Variants in CTNNA3 observed in about 807,000 individuals in gnomAD.
The protein encoded by CTNNA3 is catenin alpha 3, also known as catenin alpha-3.
A neutral mutation model predicts 95.7 loss-of-function variants in CTNNA3; 76 were observed. The observed-to-expected ratio is 0.79, with a 90% CI of 0.66 to 0.96. The LOEUF (loss-of-function observed/expected upper bound fraction) is 0.96, where lower values mean the gene tolerates loss of function less well. Among genes scored for constraint, CTNNA3 ranks in the 40% least tolerant of loss-of-function variants. The probability of loss-of-function intolerance (pLI) is 0.00; values close to 1 mark genes in which losing one functional copy is unlikely to be tolerated. For synonymous variants in CTNNA3, 431 were observed against 374.4 expected (o/e 1.15, Z -1.74); for missense variants, 1,191 against 1,089.8 (o/e 1.09, Z -1.31).
At chr10:66,845,731 T>TAAAAAAAAAAAA (rs1304034179) in intron 7 of CTNNA3, among the ~76,000 whole-genome samples, 11 of 35,904 alleles carry the variant, frequency 3.1e-4, no homozygotes, top group Non-Finnish European at 5.1e-4. Flanking sequence ...AAAAAAAAAC[T>TAAAAAAAAAAAA]AAAAAGGTGA....
intron 13 of CTNNA3, among the ~76,000 whole-genome samples, chr10:66,226,462 GTA>G (rs2089292651): frequency 6.6e-6 from 1 of 151,962 alleles, no homozygotes; most frequent in South Asian, 2.1e-4. Context: ...TAGATTTGTA[GTA>G]TATTTTGGAG....
intron 7 of CTNNA3, among the ~76,000 whole-genome samples, chr10:66,797,730 C>G (rs1459970988): frequency 6.6e-6 from 1 of 151,828 alleles, no homozygotes; most frequent in Non-Finnish European, 1.5e-5. Context: ...TTGTCCTTGC[C>G]CTAGACCTCA....
intron 7 of CTNNA3, among the ~76,000 whole-genome samples, chr10:66,958,185 A>G (rs1348581695): frequency 6.6e-6 from 1 of 152,064 alleles, no homozygotes; most frequent in East Asian, 1.9e-4. Flanking sequence ...TGAATAAAAG[A>G]GAAAGGAAGA....
chr10:66,341,380 G>T (rs1350364777), intron 12 of CTNNA3, among the ~76,000 whole-genome samples: 1 of 151,830 alleles, frequency 6.6e-6, no homozygotes, highest in Non-Finnish European at 1.5e-5. Context: ...CCATATGTTT[G>T]GGTGTCAGAG....
At chr10:66,273,828 G>C (rs1478200911) in intron 13 of CTNNA3, among the ~76,000 whole-genome samples, 1 of 151,908 alleles carries the variant, frequency 6.6e-6, no homozygotes, top group Non-Finnish European at 1.5e-5. Context: ...GTACCTGGAT[G>C]AATGGCAAGC....
intron 5 of CTNNA3, among the ~76,000 whole-genome samples, chr10:67,220,708 A>G (rs1231992538): frequency 6.6e-6 from 1 of 152,208 alleles, no homozygotes; most frequent in Non-Finnish European, 1.5e-5. Flanking sequence ...CAGAGAGAAG[A>G]GAGGAAAGAG....
chr10:66,371,019 C>A (rs1366503523), intron 12 of CTNNA3, among the ~76,000 whole-genome samples: 2 of 152,074 alleles, frequency 1.3e-5, no homozygotes, highest in East Asian at 3.9e-4. Flanking sequence ...CACTGCCCAG[C>A]CTCAAACAGT....
At chr10:67,197,225 T>C (rs1022016550) in intron 6 of CTNNA3, among the ~76,000 whole-genome samples, 1 of 152,074 alleles carries the variant, frequency 6.6e-6, no homozygotes, top group Non-Finnish European at 1.5e-5. Context: ...ATTTCCGAGG[T>C]TTATGTCAAT....
chr10:67,180,417 T>C lies in CTNNA3; in HGVS notation c.947A>G (p.Asp316Gly), dbSNP rs1171759426. The change falls in exon 7 of 18, where the codon GAT (aspartate) becomes GGT (glycine). Residue 316 changes from aspartate (D) to glycine (G), a missense_variant. Asp to Gly is a moderately conservative substitution (Grantham distance 94). Transcript: ENST00000433211. ...GTGTAAGTCCCTCGTACATGAAGAATCCGCCAGCAGAGCAGCCCCACTGAT... is the reference window on the plus strand; with the variant it reads ...GTGTAAGTCCCTCGTACATGAAGAACCCGCCAGCAGAGCAGCCCCACTGAT... The part of the protein sequence containing the change: ...AIISGAALLA[D>G]SSCTRDLHRE... 3 of 1,613,832 alleles carry C rather than the reference T, an allele frequency of 1.9e-6. No homozygotes were observed. The highest frequency in any genetic ancestry group is 1.7e-5 in the Admixed American group (1 of 59,978).
intron 1 of CTNNA3, among the ~76,000 whole-genome samples, chr10:67,744,069 C>G (rs2131742249): frequency 6.6e-6 from 1 of 151,294 alleles, no homozygotes; most frequent in Admixed American, 6.6e-5. Context: ...TGAAAATGGC[C>G]ATACTGCCCA....
chr10:66,816,329 T>C (rs569199823), intron 7 of CTNNA3, among the ~76,000 whole-genome samples: 18 of 152,262 alleles, frequency 1.2e-4, no homozygotes, highest in Middle Eastern at 3.4e-3. Flanking sequence ...TAGACGTATA[T>C]TCTGCCTTAT....
intron 5 of CTNNA3, among the ~76,000 whole-genome samples, chr10:67,392,766 T>G (rs1844555103): frequency 6.6e-6 from 1 of 152,032 alleles, no homozygotes; most frequent in Non-Finnish European, 1.5e-5. Context: ...GGGACATGGA[T>G]GAAATTGGAA....
chr10:67,316,390 C>T (rs1841050979), intron 5 of CTNNA3, among the ~76,000 whole-genome samples: 1 of 152,040 alleles, frequency 6.6e-6, no homozygotes, highest in Non-Finnish European at 1.5e-5. Flanking sequence ...ATAACAAAAG[C>T]TATTAAATTT....
intron 14 of CTNNA3, among the ~76,000 whole-genome samples, chr10:66,089,464 T>C (rs2081128597): frequency 6.6e-6 from 1 of 151,776 alleles, no homozygotes; most frequent in Admixed American, 6.6e-5. Flanking sequence ...CTATTCCTTG[T>C]GCCTTTTTTT....
intron 7 of CTNNA3, among the ~76,000 whole-genome samples, chr10:66,904,708 G>A (rs1401334267): frequency 1.3e-5 from 2 of 152,068 alleles, no homozygotes; most frequent in African/African-American, 2.4e-5. Context: ...GTGGGCAAAG[G>A]ATATGAACAG....
intron 4 of CTNNA3, among the ~76,000 whole-genome samples, chr10:67,523,431 T>C (rs1238760714): frequency 6.6e-6 from 1 of 152,206 alleles, no homozygotes. Flanking sequence ...TCTCATTCTA[T>C]AATTGAGTAA....
rs531847365 is a variant in CTNNA3, at chr10:67,195,548, C to T, written c.844-15028G>A. Among the ~76,000 whole-genome samples, 5 of 151,868 alleles carry T rather than the reference C, an allele frequency of 3.3e-5. No homozygotes were observed. In the South Asian group the frequency reaches 6.3e-4, roughly 19 times the overall value. On this transcript the variant is annotated intron_variant, in intron 6 of 17. Transcript: ENST00000433211. Reference sequence around the variant, plus strand: ...AGGCTCCACCTCAGTGGTCTCCTTGCTAATGTTATTTTTTGCATTTAAATG... The same window carrying T: ...AGGCTCCACCTCAGTGGTCTCCTTGTTAATGTTATTTTTTGCATTTAAATG...
At chr10:67,207,038 G>C (rs1453081576) in intron 6 of CTNNA3, among the ~76,000 whole-genome samples, 1 of 152,116 alleles carries the variant, frequency 6.6e-6, no homozygotes, top group African/African-American at 2.4e-5. Flanking sequence ...GGATGAGGCA[G>C]GAGAATCACT....
At chr10:67,453,268 C>A (rs766772591) in intron 5 of CTNNA3, among the ~76,000 whole-genome samples, 2 of 152,070 alleles carry the variant, frequency 1.3e-5, no homozygotes, top group Non-Finnish European at 2.9e-5. Flanking sequence ...ACATTTTTGT[C>A]ATGACAGTTA....
Sources: allele counts gnomAD v4.1 joint callset (sites outside exome capture counted in the v4.1 genomes callset), GRCh38; gene constraint gnomAD v4.1.1; transcripts MANE v1.5; gene names NCBI Gene and HGNC (gene_info 2026-07-23, HGNC 2026-07-21).